Variants in VWC2L observed in about 807,000 individuals in gnomAD.
VWC2L encodes the protein von Willebrand factor C domain-containing protein 2-like.
Under a neutral mutation model 21.6 loss-of-function variants are expected in VWC2L, and 10 were observed. The observed-to-expected ratio is 0.46, with a 90% confidence interval of 0.29 to 0.78. The LOEUF is 0.78. Ranked by LOEUF, VWC2L falls within the 30% of genes least tolerant of loss-of-function variation. The probability of loss-of-function intolerance (pLI) is 0.10; values close to 1 mark genes in which losing one functional copy is unlikely to be tolerated. For synonymous variants in VWC2L, 96 were observed against 94.3 expected, an observed-to-expected ratio of 1.02 and a Z score of -0.10; for missense variants, 209 against 277.1, an observed-to-expected ratio of 0.75 and a Z score of 1.74.
intron 3 of VWC2L, among the ~76,000 whole-genome samples, chr2:214,449,310 T>G (rs1370358902): frequency 6.6e-6 from 1 of 152,164 alleles, no homozygotes; most frequent in African/African-American, 2.4e-5. Context: ...CATAGGGGGT[T>G]GATTGGACTT....
intron 2 of VWC2L, among the ~76,000 whole-genome samples, chr2:214,415,474 G>A (rs1655263887): frequency 6.6e-6 from 1 of 152,130 alleles, no homozygotes; most frequent in South Asian, 2.1e-4. Context: ...ACCAAGTTCT[G>A]TGATGAGGTG....
chr2:214,420,641 T>A (rs1702424916), intron 2 of VWC2L, among the ~76,000 whole-genome samples: 1 of 152,180 alleles, frequency 6.6e-6, no homozygotes, highest in Non-Finnish European at 1.5e-5. Context: ...AGGTGCAGTT[T>A]TTAAAGAGTT....
At chr2:214,573,645 CCT>C (rs1690185642) in intron 3 of VWC2L, among the ~76,000 whole-genome samples, 1 of 152,212 alleles carries the variant, frequency 6.6e-6, no homozygotes, top group African/African-American at 2.4e-5. Context: ...TCTGGAAAAA[CCT>C]CTCTGCCAAG....
chr2:214,561,989 C>CT (rs915625829), intron 3 of VWC2L, among the ~76,000 whole-genome samples: 6 of 151,512 alleles, frequency 4.0e-5, no homozygotes, highest in African/African-American at 1.5e-4. Context: ...ATGTGTTTTT[C>CT]TTTTTTTAAT....
intron 3 of VWC2L, among the ~76,000 whole-genome samples, chr2:214,449,521 T>A (rs1348818807): frequency 6.6e-6 from 1 of 152,188 alleles, no homozygotes; most frequent in Non-Finnish European, 1.5e-5. Flanking sequence ...GTCAGAAATA[T>A]GGCATAAAAC....
intron 3 of VWC2L, among the ~76,000 whole-genome samples, chr2:214,563,060 A>G (rs1163694284): frequency 1.3e-5 from 2 of 151,828 alleles, no homozygotes; most frequent in Non-Finnish European, 2.9e-5. Flanking sequence ...TGTTGCCTAT[A>G]TTTTCTTCTA....
chr2:214,564,084 T>A (rs754164704), intron 3 of VWC2L, among the ~76,000 whole-genome samples: 14 of 151,914 alleles, frequency 9.2e-5, no homozygotes, highest in Non-Finnish European at 1.5e-4. Flanking sequence ...ACAACGAGAA[T>A]AAAATACCTA....
intron 3 of VWC2L, among the ~76,000 whole-genome samples, chr2:214,438,715 G>A (rs530135621): frequency 8.6e-5 from 13 of 151,960 alleles, no homozygotes; most frequent in African/African-American, 2.9e-4. Flanking sequence ...ATTTGATGTC[G>A]CCCAAGATTA....
chr2:214,515,502 A>C (rs1689126942), intron 3 of VWC2L, among the ~76,000 whole-genome samples: 1 of 152,172 alleles, frequency 6.6e-6, no homozygotes, highest in South Asian at 2.1e-4. Flanking sequence ...GGTCCAAAGA[A>C]AACAAGTGAG....
intron 3 of VWC2L, among the ~76,000 whole-genome samples, chr2:214,517,758 A>G (rs948547320): frequency 3.3e-5 from 5 of 152,258 alleles, no homozygotes; most frequent in African/African-American, 1.2e-4. Flanking sequence ...AAGGCATAAT[A>G]TTGGTTAAAA....
intron 2 of VWC2L, among the ~76,000 whole-genome samples, chr2:214,433,332 T>C (rs1432361348): frequency 6.6e-6 from 1 of 151,936 alleles, no homozygotes; most frequent in Non-Finnish European, 1.5e-5. Flanking sequence ...AGGAGTTTTC[T>C]TGTATAAAAT....
chr2:214,497,985 T>G (rs1193323117), intron 3 of VWC2L, among the ~76,000 whole-genome samples: 2 of 152,130 alleles, frequency 1.3e-5, no homozygotes, highest in African/African-American at 4.8e-5. Context: ...GAGAAATGTT[T>G]TCCTCATCAT....
At chr2:214,522,399 G>C (rs1181147112) in intron 3 of VWC2L, among the ~76,000 whole-genome samples, 1 of 131,158 alleles carries the variant, frequency 7.6e-6, no homozygotes, top group Non-Finnish European at 1.7e-5. Flanking sequence ...AAAAAAAATT[G>C]CATTTTTTTC....
At chr2:214,466,374 A>G (rs2126190812) in intron 3 of VWC2L, among the ~76,000 whole-genome samples, 1 of 152,190 alleles carries the variant, frequency 6.6e-6, no homozygotes, top group African/African-American at 2.4e-5. Context: ...GTTCCTATGA[A>G]TGTAAAATGC....
intron 3 of VWC2L, among the ~76,000 whole-genome samples, chr2:214,486,548 G>A (rs1688675016): frequency 6.6e-6 from 1 of 152,048 alleles, no homozygotes; most frequent in African/African-American, 2.4e-5. Flanking sequence ...ATATCTCTGC[G>A]TTGATGAGTA....
At chr2:214,456,159 A>G (rs553150273) in intron 3 of VWC2L, among the ~76,000 whole-genome samples, 16 of 152,228 alleles carry the variant, frequency 1.1e-4, no homozygotes, top group African/African-American at 3.6e-4. Flanking sequence ...TCCCATTAAC[A>G]GTGTATAAGC....
At chr2:214,444,744 T>C (rs1470927526) in intron 3 of VWC2L, among the ~76,000 whole-genome samples, 1 of 152,014 alleles carries the variant, frequency 6.6e-6, no homozygotes, top group Non-Finnish European at 1.5e-5. Flanking sequence ...TACAATTTAG[T>C]ACACAATTAA....
intron 3 of VWC2L, among the ~76,000 whole-genome samples, chr2:214,474,750 T>C (rs1207754431): frequency 1.3e-5 from 2 of 152,132 alleles, no homozygotes; most frequent in African/African-American, 2.4e-5. Flanking sequence ...AAACAACATG[T>C]TCCTAATAAA....
chr2:214,561,784 T>TTATATATATATATATATATA lies in VWC2L; in HGVS notation c.521-13881_521-13862dup, dbSNP rs67223012. On this transcript the variant is annotated intron_variant, in intron 3 of 3. Transcript: ENST00000312504. ...GAGTAATACCTTATCTCAAAAAAAA[T>TTATATATATATATATATATA]TATATATATATATATATATATATAT... Among the ~76,000 whole-genome samples, 607 of 128,234 alleles carry TTATATATATATATATATATA rather than the reference T, an allele frequency of 4.7e-3. 3 individuals are homozygous for TTATATATATATATATATATA. Among genetic ancestry groups the TTATATATATATATATATATA allele is most frequent in the Non-Finnish European group, 5.3e-3 (333 of 62,738 alleles). 84.1% of individuals were successfully genotyped at this position (128,234 alleles called of 152,430 possible). A position where few individuals can be genotyped will look rare whatever the true frequency, so the allele number is the denominator to read the frequency against.
Sources: gnomAD v4.1 joint callset for allele counts (sites outside exome capture counted in the v4.1 genomes callset) on GRCh38, gnomAD v4.1.1 for gene constraint, MANE v1.5 for transcripts, NCBI Gene and HGNC (gene_info 2026-07-23, HGNC 2026-07-21) for gene names.